The following TENM2 variants were observed in gnomAD, a reference collection of about 807,000 sequenced individuals.
The protein encoded by TENM2 is teneurin transmembrane protein 2.
In TENM2, 52 loss-of-function variants were observed where a neutral mutation model predicts 245.2. The observed-to-expected ratio is 0.21, with a 90% CI of 0.17 to 0.27. The LOEUF (loss-of-function observed/expected upper bound fraction) is 0.27, where lower values mean the gene tolerates loss of function less well. Ranked by LOEUF, TENM2 falls within the 10% of genes least tolerant of loss-of-function variation. The probability of loss-of-function intolerance (pLI) is 1.00; values close to 1 mark genes in which losing one functional copy is unlikely to be tolerated. For missense variants in TENM2, 3,046 were observed against 3,666.8 expected (o/e 0.83, Z 4.37); for synonymous variants, 1,363 against 1,438.9 (o/e 0.95, Z 1.19).
At chr5:168,023,871 G>A (rs748484780) in intron 5 of TENM2, among the ~76,000 whole-genome samples, 4 of 152,124 alleles carry the variant, frequency 2.6e-5, no homozygotes, top group Admixed American at 1.3e-4. Flanking sequence ...TTTAAGAGAA[G>A]ACCATTCTCA....
At chr5:167,654,459 A>G (rs942660947) in intron 2 of TENM2, among the ~76,000 whole-genome samples, 6 of 152,108 alleles carry the variant, frequency 3.9e-5, no homozygotes, top group Non-Finnish European at 5.9e-5. Flanking sequence ...TCTATTTCTG[A>G]TCCTGGTAGT....
chr5:167,774,482 G>A (rs1010995210), intron 2 of TENM2, among the ~76,000 whole-genome samples: 2 of 152,084 alleles, frequency 1.3e-5, no homozygotes, highest in African/African-American at 4.8e-5. Flanking sequence ...GGTGCTAATC[G>A]GACTATCCTT....
rs140849764 is a variant in TENM2, at chr5:167,384,639, A to G, written c.502+9166A>G. Among the ~76,000 whole-genome samples, 8 of 152,340 alleles carry G rather than the reference A, an allele frequency of 5.3e-5. No individual in the cohort carries two copies. The East Asian group carries it at 1.5e-3, about 29-fold the overall frequency. ...GAACTATTGAAAGTTTATGTGAGCA[A>G]AGACTGCAATATCTTAGGAAGCATC... On this transcript the variant is annotated intron_variant, in intron 2 of 28. Transcript: ENST00000518659.
intron 2 of TENM2, among the ~76,000 whole-genome samples, chr5:167,504,311 C>G (rs955759873): frequency 6.6e-6 from 1 of 152,112 alleles, no homozygotes; most frequent in Non-Finnish European, 1.5e-5. Flanking sequence ...TTAAATTAAT[C>G]TTATTTAAAT....
intron 2 of TENM2, among the ~76,000 whole-genome samples, chr5:167,725,921 G>A (rs932496993): frequency 2.0e-5 from 3 of 152,034 alleles, no homozygotes; most frequent in Admixed American, 6.5e-5. Context: ...GCCCGCTTCA[G>A]CCCTCTCCCA....
intron 2 of TENM2, among the ~76,000 whole-genome samples, chr5:167,391,905 C>T (rs989615278): frequency 1.3e-5 from 2 of 151,952 alleles, no homozygotes; most frequent in African/African-American, 4.8e-5. Context: ...GATGAGCTTA[C>T]CCAAGGGGAA....
At chr5:167,865,409 G>A (rs960096151) in intron 2 of TENM2, among the ~76,000 whole-genome samples, 1 of 151,968 alleles carries the variant, frequency 6.6e-6, no homozygotes, top group Non-Finnish European at 1.5e-5. Context: ...AAGTAATTGG[G>A]AGCACAGGCG....
chr5:167,088,871 A>G, the TENM2 span, among the ~76,000 whole-genome samples: 1 of 152,210 alleles, frequency 6.6e-6, no homozygotes, highest in Non-Finnish European at 1.5e-5. Context: ...AGACTTGGAA[A>G]AGTCAAGCAG....
the TENM2 span, among the ~76,000 whole-genome samples, chr5:167,210,046 A>G: frequency 1.3e-4 from 20 of 152,240 alleles, no homozygotes; most frequent in Non-Finnish European, 1.5e-5. Flanking sequence ...AACAGGATAG[A>G]TTCAAATAGA....
intron 2 of TENM2, among the ~76,000 whole-genome samples, chr5:167,828,206 G>A (rs1421990): frequency 0.14 from 21,710 of 152,160 alleles, 3,036 homozygotes; most frequent in East Asian, 0.65. Context: ...TAAGGGGCTT[G>A]CCATAGGTCC....
chr5:167,731,972 T>C (rs995711360), intron 2 of TENM2, among the ~76,000 whole-genome samples: 1 of 152,174 alleles, frequency 6.6e-6, no homozygotes, highest in Non-Finnish European at 1.5e-5. Flanking sequence ...GATAATATTG[T>C]GAGCAAATCA....
chr5:167,113,687 C>T, the TENM2 span, among the ~76,000 whole-genome samples: 7 of 151,690 alleles, frequency 4.6e-5, no homozygotes, highest in Admixed American at 6.6e-5. Context: ...ATGTCAGACT[C>T]CTCTAACTTT....
intron 2 of TENM2, among the ~76,000 whole-genome samples, chr5:167,752,959 C>G (rs1762056912): frequency 6.6e-6 from 1 of 152,134 alleles, no homozygotes; most frequent in African/African-American, 2.4e-5. Context: ...CTTAATTCCT[C>G]TAAGTATCTA....
intron 2 of TENM2, among the ~76,000 whole-genome samples, chr5:167,738,166 C>T (rs1760930747): frequency 6.6e-6 from 1 of 152,198 alleles, no homozygotes; most frequent in African/African-American, 2.4e-5. Context: ...ACTCAGAAGA[C>T]AGGATGCTGT....
intron 19 of TENM2, among the ~76,000 whole-genome samples, chr5:168,210,145 G>A (rs550558139): frequency 2.6e-5 from 4 of 152,278 alleles, no homozygotes; most frequent in Admixed American, 6.5e-5. Flanking sequence ...CGGTGATGCT[G>A]TTATTCTGGT....
chr5:167,127,838 T>G, the TENM2 span, among the ~76,000 whole-genome samples: 3 of 152,132 alleles, frequency 2.0e-5, no homozygotes, highest in African/African-American at 7.2e-5. Flanking sequence ...CTTTGGCAGT[T>G]GACCTTGTCA....
chr5:167,844,029 G>T (rs955665899), intron 2 of TENM2, among the ~76,000 whole-genome samples: 3 of 152,154 alleles, frequency 2.0e-5, no homozygotes, highest in Non-Finnish European at 4.4e-5. Flanking sequence ...TTATAGTGAA[G>T]ATATACATTG....
intron 1 of TENM2, among the ~76,000 whole-genome samples, chr5:167,350,551 CATATATATGGGATATATATAGAT>C (rs1324569433): frequency 4.6e-5 from 6 of 130,308 alleles, no homozygotes; most frequent in East Asian, 2.1e-4. Context: ...ACAACCTATC[CATATATATGGGATATATATAGAT>C]ATATATATGG....
intron 5 of TENM2, among the ~76,000 whole-genome samples, chr5:168,014,186 T>C (rs904076483): frequency 2.6e-5 from 4 of 152,234 alleles, no homozygotes; most frequent in Non-Finnish European, 5.9e-5. Context: ...AATTCTTCTT[T>C]ATATCTTAAT....
Sources: allele counts gnomAD v4.1 joint callset (sites outside exome capture counted in the v4.1 genomes callset), GRCh38; gene constraint gnomAD v4.1.1; transcripts MANE v1.5; gene names NCBI Gene and HGNC (gene_info 2026-07-23, HGNC 2026-07-21).